SYNDIG1: variants seen among roughly 807,000 people sequenced by gnomAD.
The protein encoded by SYNDIG1 is synapse differentiation-inducing gene protein 1.
A neutral mutation model predicts 19.4 loss-of-function variants in SYNDIG1; 9 were observed. The ratio of observed to expected loss-of-function variants is 0.46; its 90% CI spans 0.28 to 0.81. SYNDIG1 has a LOEUF of 0.81. Among genes scored for constraint, SYNDIG1 ranks in the 30% least tolerant of loss-of-function variants. The pLI is 0.12. For missense variants in SYNDIG1, 311 were observed against 343.3 expected (o/e 0.91, Z 0.74); for synonymous variants, 141 against 145.9 (o/e 0.97, Z 0.24).
intron 3 of SYNDIG1, among the ~76,000 whole-genome samples, chr20:24,633,316 G>A (rs7268328): frequency 0.16 from 23,902 of 152,078 alleles, 2,069 homozygotes; most frequent in African/African-American, 0.22. Flanking sequence ...TCTCTGGCAC[G>A]TGCCTTCCTC....
chr20:24,489,848 G>A (rs1247198119), intron 1 of SYNDIG1, among the ~76,000 whole-genome samples: 1 of 152,242 alleles, frequency 6.6e-6, no homozygotes, highest in Admixed American at 6.5e-5. Flanking sequence ...CAGAAGTTCT[G>A]ATCACAGCCA....
At chr20:24,572,179 C>T (rs2058154651) in intron 2 of SYNDIG1, among the ~76,000 whole-genome samples, 1 of 152,212 alleles carries the variant, frequency 6.6e-6, no homozygotes. Flanking sequence ...CTCCTTGTGT[C>T]AGTCATTGGC....
chr20:24,652,776 C>T (rs1007819314), intron 3 of SYNDIG1, among the ~76,000 whole-genome samples: 5 of 151,922 alleles, frequency 3.3e-5, no homozygotes, highest in African/African-American at 9.7e-5. Context: ...GGTGAACACA[C>T]GGGAGCAGCC....
At chr20:24,624,255 CAA>C (rs201904792) in intron 3 of SYNDIG1, among the ~76,000 whole-genome samples, 8 of 94,680 alleles carry the variant, frequency 8.4e-5, no homozygotes, top group Admixed American at 1.1e-4. Context: ...GACTCCATCT[CAA>C]AAAAAAAAAA....
chr20:24,631,027 A>G (rs1333077987), intron 3 of SYNDIG1, among the ~76,000 whole-genome samples: 2 of 152,246 alleles, frequency 1.3e-5, no homozygotes, highest in African/African-American at 4.8e-5. Flanking sequence ...TGAGGCGGTC[A>G]TAGACACCCT....
chr20:24,629,326 T>G (rs2147282952), intron 3 of SYNDIG1, among the ~76,000 whole-genome samples: 1 of 152,304 alleles, frequency 6.6e-6, no homozygotes, highest in African/African-American at 2.4e-5. Flanking sequence ...TGGGGAGACT[T>G]CCTCAGCAGT....
chr20:24,574,070 G>T (rs1266624746), intron 2 of SYNDIG1, among the ~76,000 whole-genome samples: 1 of 152,178 alleles, frequency 6.6e-6, no homozygotes, highest in Admixed American at 6.5e-5. Flanking sequence ...AACAGGAGCA[G>T]CCTCCAGGCT....
intron 1 of SYNDIG1, among the ~76,000 whole-genome samples, chr20:24,532,817 C>T (rs1442748014): frequency 6.6e-6 from 1 of 152,178 alleles, no homozygotes; most frequent in African/African-American, 2.4e-5. Context: ...TCAGAAACTC[C>T]TGGGCTCAAT....
chr20:24,607,839 A>G (rs2058781885), intron 3 of SYNDIG1, among the ~76,000 whole-genome samples: 1 of 152,240 alleles, frequency 6.6e-6, no homozygotes, highest in Non-Finnish European at 1.5e-5. Context: ...TACAGTGGGT[A>G]AGTCAAGGGC....
At chr20:24,582,286 C>T (rs1375171734) in intron 2 of SYNDIG1, among the ~76,000 whole-genome samples, 1 of 125,698 alleles carries the variant, frequency 8.0e-6, no homozygotes, top group Non-Finnish European at 1.7e-5. Flanking sequence ...GGTCTCCCCC[C>T]TTGACGTCCT....
intron 1 of SYNDIG1, among the ~76,000 whole-genome samples, chr20:24,501,312 A>G (rs565479960): frequency 5.3e-5 from 8 of 152,368 alleles, no homozygotes; most frequent in African/African-American, 1.9e-4. Context: ...TGTAGCTTCC[A>G]TATCCTCTGC....
At chr20:24,479,824 C>G (rs2055745452) in intron 1 of SYNDIG1, among the ~76,000 whole-genome samples, 1 of 152,204 alleles carries the variant, frequency 6.6e-6, no homozygotes, top group East Asian at 1.9e-4. Flanking sequence ...CCTACTGGCA[C>G]TGGACAGGCT....
chr20:24,555,253 C>A (rs1421638951), intron 2 of SYNDIG1, among the ~76,000 whole-genome samples: 1 of 152,302 alleles, frequency 6.6e-6, no homozygotes, highest in East Asian at 1.9e-4. Flanking sequence ...TTCAAAAAAA[C>A]CAGCTCTGGA....
At chr20:24,480,540 G>T (rs978151160) in intron 1 of SYNDIG1, among the ~76,000 whole-genome samples, 1 of 152,318 alleles carries the variant, frequency 6.6e-6, no homozygotes, top group African/African-American at 2.4e-5. Flanking sequence ...GTGAGAGGAC[G>T]TAGTTGCTAT....
intron 1 of SYNDIG1, among the ~76,000 whole-genome samples, chr20:24,477,687 C>T (rs1308080107): frequency 6.6e-6 from 1 of 152,140 alleles, no homozygotes; most frequent in Non-Finnish European, 1.5e-5. Flanking sequence ...TATACAGCAC[C>T]CCACTGCCCC....
chr20:24,478,063 C>T (rs774182060), intron 1 of SYNDIG1, among the ~76,000 whole-genome samples: 5 of 152,206 alleles, frequency 3.3e-5, no homozygotes, highest in African/African-American at 4.8e-5. Context: ...CACCACAGGG[C>T]CGCCTGGCTG....
intron 1 of SYNDIG1, among the ~76,000 whole-genome samples, chr20:24,490,387 A>C (rs1053232789): frequency 7.2e-5 from 11 of 152,086 alleles, no homozygotes; most frequent in Admixed American, 7.2e-4. Context: ...AAATGAGGAG[A>C]GGCCTAGAGG....
intron 1 of SYNDIG1, among the ~76,000 whole-genome samples, chr20:24,497,780 G>A (rs1356556168): frequency 6.6e-6 from 1 of 152,198 alleles, no homozygotes; most frequent in Non-Finnish European, 1.5e-5. Flanking sequence ...CAGCTACAGG[G>A]GCTGAAGAGC....
intron 3 of SYNDIG1, among the ~76,000 whole-genome samples, chr20:24,603,867 A>C (rs11907274): frequency 0.03 from 4,634 of 152,280 alleles, 152 homozygotes; most frequent in African/African-American, 0.083. Context: ...GAATATCTGA[A>C]AGAATGCCAG....
Sources: allele counts gnomAD v4.1 joint callset (sites outside exome capture counted in the v4.1 genomes callset), GRCh38; gene constraint gnomAD v4.1.1; transcripts MANE v1.5; gene names NCBI Gene and HGNC (gene_info 2026-07-23, HGNC 2026-07-21).